Variants in GRAMD4 observed in about 807,000 individuals in gnomAD.
GRAMD4 encodes the protein GRAM domain-containing protein 4.
In GRAMD4, 25 loss-of-function variants were observed where a neutral mutation model predicts 83.9. That is an observed-to-expected ratio of 0.30 (90% confidence interval 0.22 to 0.42). GRAMD4 has a LOEUF of 0.42. Ranked by LOEUF, GRAMD4 falls within the 10% of genes least tolerant of loss-of-function variation. The pLI, the probability that GRAMD4 is intolerant of heterozygous loss-of-function variation, is 1.00. For missense variants in GRAMD4, 593 were observed against 788.7 expected (o/e 0.75, Z 2.97); for synonymous variants, 336 against 320.9 (o/e 1.05, Z -0.50).
chr22:46,661,319 C>T, intron 4 of GRAMD4, 62 bp from the exon 5 acceptor site: 1 of 1,370,490 alleles, frequency 7.3e-7, no homozygotes, highest in Non-Finnish European at 1.0e-6. Flanking sequence ...TCGGGGGTGC[C>T]TGACTGGGCA....
chr22:46,598,020 C>T (rs952326231), intron 1 of GRAMD4, among the ~76,000 whole-genome samples: 16 of 152,018 alleles, frequency 1.1e-4, no homozygotes, highest in Admixed American at 7.2e-4. Flanking sequence ...CTTGCTGTGT[C>T]GCCCAGGCTG....
Position 46,624,324 on chromosome 22 carries a change from C to CTT in GRAMD4, c.-49-2403_-49-2402dup, listed in dbSNP as rs577618843. ...TTCATAGCTACTAAGTTCCCTCTTC[C>CTT]TTTTTTTTTTTTTTTTTTTTTTTTT... On this transcript the variant is annotated intron_variant, in intron 1 of 18. Coordinates refer to ENST00000406902, the MANE Select transcript of GRAMD4 (RefSeq NM_015124.5). Among the ~76,000 whole-genome samples, 569 of 69,528 alleles carry CTT rather than the reference C, an allele frequency of 8.2e-3. 123 individuals are homozygous for CTT. The highest frequency in any genetic ancestry group is 0.037 in the African/African-American group (469 of 12,616). 45.6% of individuals were successfully genotyped at this position (69,528 alleles called of 152,430 possible). A position where few individuals can be genotyped will look rare whatever the true frequency, so the allele number is the denominator to read the frequency against.
At chr22:46,626,660 A>G in intron 1 of GRAMD4, 91 bp from the exon 2 acceptor site, 1 of 764,276 alleles carries the variant, frequency 1.3e-6, no homozygotes, top group Non-Finnish European at 2.1e-6. Flanking sequence ...TTTTCTTTGG[A>G]AAGCTGGACC....
In GRAMD4 at chr22:46,623,874, C is replaced by T. The variant is rs61027721; in HGVS notation, c.-49-2877C>T. Among the ~76,000 whole-genome samples the T allele has an allele frequency of 3.5e-3, 529 of 151,724 alleles. 2 individuals are homozygous for T. Among genetic ancestry groups the T allele is most frequent in the African/African-American group, 0.012 (514 of 41,284 alleles). ...TCGGCTCACTGCAACCTCCACCTCCCGGGTTCAAGCAATTCTCCTGCCTCA... is the reference window on the plus strand; with the variant it reads ...TCGGCTCACTGCAACCTCCACCTCCTGGGTTCAAGCAATTCTCCTGCCTCA... On this transcript the variant is annotated intron_variant, in intron 1 of 18. Coordinates refer to ENST00000406902, the MANE Select transcript of GRAMD4 (RefSeq NM_015124.5).
intron 1 of GRAMD4, among the ~76,000 whole-genome samples, chr22:46,598,308 A>C (rs927949324): frequency 6.6e-6 from 1 of 151,944 alleles, no homozygotes; most frequent in Non-Finnish European, 1.5e-5. Context: ...GTGAAAATTT[A>C]ATGAGAATTC....
intron 3 of GRAMD4, among the ~76,000 whole-genome samples, chr22:46,639,173 TG>T (rs2081936435): frequency 1.3e-5 from 2 of 151,692 alleles, no homozygotes; most frequent in Non-Finnish European, 2.9e-5. Flanking sequence ...TGTGTGTGTG[TG>T]TGTGTGTATG....
At chr22:46,671,833 C>CA (rs943461838) in intron 13 of GRAMD4, among the ~76,000 whole-genome samples, 2 of 151,856 alleles carry the variant, frequency 1.3e-5, no homozygotes, top group African/African-American at 2.4e-5. Context: ...GACTCTGTCT[C>CA]AAAAAAAAGA....
chr22:46,644,920 TTTTTTTTTTTG>T, intron 3 of GRAMD4, among the ~76,000 whole-genome samples: 1 of 126,880 alleles, frequency 7.9e-6, no homozygotes, highest in South Asian at 2.7e-4. Context: ...TTTTTTTTTT[TTTTTTTTTTTG>T]TGGAGACGGG....
upstream of GRAMD4, among the ~76,000 whole-genome samples, chr22:46,615,943 T>A (rs1321095957): frequency 3.4e-5 from 4 of 118,346 alleles, no homozygotes. Context: ...TGCGTGTGGG[T>A]TCCCCCATGT....
chr22:46,641,061 A>G (rs2081968660), intron 3 of GRAMD4, among the ~76,000 whole-genome samples: 1 of 149,834 alleles, frequency 6.7e-6, no homozygotes, highest in Non-Finnish European at 1.5e-5. Context: ...GCGAGACCCC[A>G]TCTCTTAATT....
chr22:46,659,526 G>A lies in GRAMD4; in HGVS notation c.404+1219G>A, dbSNP rs537271606. Among the ~76,000 whole-genome samples, 4 of 152,348 alleles carry A rather than the reference G, an allele frequency of 2.6e-5. No homozygotes were observed. The South Asian group carries it at 6.2e-4, about 24-fold the overall frequency. On this transcript the variant is annotated intron_variant, in intron 4 of 18. Coordinates refer to ENST00000406902, the MANE Select transcript of GRAMD4 (RefSeq NM_015124.5). This position sits in a 1 kb window ranked among gnomAD's most constrained non-coding sequence, Gnocchi z 4.1. ...CAGCTGAGCACTGCCTGCTATGAGCGCTCCGGGGGCCGTGTGTCATTGTCA... is the reference window on the plus strand; with the variant it reads ...CAGCTGAGCACTGCCTGCTATGAGCACTCCGGGGGCCGTGTGTCATTGTCA...
chr22:46,602,491 T>C (rs181836823), intron 1 of GRAMD4, among the ~76,000 whole-genome samples: 155 of 152,190 alleles, frequency 1.0e-3, no homozygotes, highest in Non-Finnish European at 1.8e-3. Context: ...GGCAAAACCC[T>C]GTCTTTACAA....
chr22:46,597,529 G>A (rs757639223), intron 1 of GRAMD4, among the ~76,000 whole-genome samples: 3 of 151,946 alleles, frequency 2.0e-5, no homozygotes, highest in African/African-American at 7.3e-5. Context: ...TCGCTCTGTC[G>A]CCCAGGCTGG....
At chr22:46,668,509 G>C (rs1295444550) in intron 11 of GRAMD4, among the ~76,000 whole-genome samples, 180 bp from the exon 12 acceptor site, 2 of 152,162 alleles carry the variant, frequency 1.3e-5, no homozygotes, top group African/African-American at 4.8e-5. Context: ...GTTGCTGTGA[G>C]CGTGGCCACC....
chr22:46,578,385 T>C (rs1042092500), intron 1 of GRAMD4, among the ~76,000 whole-genome samples: 7 of 152,128 alleles, frequency 4.6e-5, no homozygotes, highest in Non-Finnish European at 1.0e-4. Flanking sequence ...TCCCTCACCC[T>C]CCTGCTCTGT....
chr22:46,664,272 C>T (rs753347428), intron 8 of GRAMD4, among the ~76,000 whole-genome samples, 155 bp downstream of exon 8: 30 of 152,230 alleles, frequency 2.0e-4, no homozygotes, highest in Non-Finnish European at 2.9e-4. Context: ...GTAAAGTGGG[C>T]TCACTGATGC....
In GRAMD4 at chr22:46,620,574, C is replaced by T; in HGVS notation, c.-50+9C>T. 2 of 13,994 alleles carry T rather than the reference C, an allele frequency of 1.4e-4. No individual in the cohort carries two copies. The highest frequency in any genetic ancestry group is 3.1e-4 in the Non-Finnish European group (2 of 6,456). 0.9% of individuals were successfully genotyped at this position (13,994 alleles called of 1,614,324 possible). A position where few individuals can be genotyped will look rare whatever the true frequency, so the allele number is the denominator to read the frequency against. The stretch of plus-strand genomic sequence containing the variant: ...ATCTGAGACAGACGGAGGTAGGGGG[C>T]AGGGGGCAGGGGGCAGGGGGACATG... On this transcript the variant is annotated intron_variant, in intron 1 of 18. Coordinates refer to ENST00000406902, the MANE Select transcript of GRAMD4 (RefSeq NM_015124.5). The surrounding 1 kb of genome is among the most constrained non-coding windows in gnomAD (Gnocchi z 4.7).
In GRAMD4 at chr22:46,679,601, A is replaced by G. The variant is rs1261634836; in HGVS notation, c.*2350A>G. On this transcript the variant is annotated 3_prime_UTR_variant, in exon 19 of 19. Coordinates refer to ENST00000406902, the MANE Select transcript of GRAMD4 (RefSeq NM_015124.5). Reference sequence around the variant, plus strand: ...TTTTTTATGTCTGAAGCCTGAGTCTATTTTGGATCTGTAAATAATCATTGC... The same window carrying G: ...TTTTTTATGTCTGAAGCCTGAGTCTGTTTTGGATCTGTAAATAATCATTGC... 3.9e-5 allele frequency: 38 copies of G among 983,294 alleles called. No individual in the cohort carries two copies. Among genetic ancestry groups the G allele is most frequent in the Non-Finnish European group, 4.2e-5 (35 of 827,902 alleles). The allele number at this position is 983,294 out of a possible 1,614,324, so 60.9% of individuals were successfully genotyped here.
chr22:46,595,033 C>A (rs934404235), intron 1 of GRAMD4, among the ~76,000 whole-genome samples: 1 of 152,148 alleles, frequency 6.6e-6, no homozygotes, highest in African/African-American at 2.4e-5. Context: ...GTTCCCGCCT[C>A]CTGTGGACTG....
Sources: allele counts gnomAD v4.1 joint callset (sites outside exome capture counted in the v4.1 genomes callset), GRCh38; gene constraint gnomAD v4.1.1; non-coding constraint Gnocchi (gnomAD v3.1); transcripts MANE v1.5; gene names NCBI Gene and HGNC (gene_info 2026-07-23, HGNC 2026-07-21).